MOB4: variants seen among roughly 807,000 people sequenced by gnomAD.
The protein encoded by MOB4 is MOB family member 4, phocein, also known as MOB-like protein phocein.
Under a neutral mutation model 32.2 loss-of-function variants are expected in MOB4, and 4 were observed. The observed-to-expected ratio is 0.12, with a 90% confidence interval of 0.06 to 0.28. The LOEUF (loss-of-function observed/expected upper bound fraction) is 0.28. MOB4 is among the 10% of genes least tolerant of loss of function. MOB4 has a pLI of 1.00. For missense variants in MOB4, 158 were observed against 271.2 expected (o/e 0.58, Z 2.93); for synonymous variants, 88 against 88.1 (o/e 1.00, Z 0.01).
chr2:197,545,313 A>G (rs2086974685), intron 5 of MOB4, among the ~76,000 whole-genome samples: 1 of 152,198 alleles, frequency 6.6e-6, no homozygotes, highest in East Asian at 1.9e-4. Flanking sequence ...ACATCCTCCT[A>G]TATACTTTAA....
intron 1 of MOB4, chr2:197,516,357 T>C (rs2086411159): frequency 7.0e-7 from 1 of 1,421,946 alleles, no homozygotes. Context: ...GACCCAGGGG[T>C]AGGCGTGAGG....
chr2:197,522,036 A>G (rs2086529294), intron 1 of MOB4, among the ~76,000 whole-genome samples: 1 of 152,170 alleles, frequency 6.6e-6, no homozygotes, highest in Non-Finnish European at 1.5e-5. Flanking sequence ...TAGAGACTGC[A>G]GTAAAGACAG....
intron 1 of MOB4, 25 bp from the exon 2 acceptor site, chr2:197,523,598 CT>C: frequency 6.2e-7 from 1 of 1,602,464 alleles, no homozygotes; most frequent in Non-Finnish European, 8.5e-7. Context: ...TTTGTATGTG[CT>C]TTAACCGTGA....
chr2:197,550,416 C>T (rs1328196567), intron 7 of MOB4, 30 bp downstream of exon 7: 2 of 1,607,118 alleles, frequency 1.2e-6, no homozygotes, highest in African/African-American at 2.7e-5. Flanking sequence ...TATCTTGATG[C>T]ATTCTTATCA....
chr2:197,536,145 T>G (rs1274184836), intron 3 of MOB4, among the ~76,000 whole-genome samples: 1 of 152,142 alleles, frequency 6.6e-6, no homozygotes, highest in Non-Finnish European at 1.5e-5. Flanking sequence ...GCAATTTTCC[T>G]ACCTTGTCCT....
intron 2 of MOB4, among the ~76,000 whole-genome samples, chr2:197,535,142 G>A (rs1306092513): frequency 6.6e-6 from 1 of 151,626 alleles, no homozygotes; most frequent in African/African-American, 2.4e-5. Context: ...AGGATTGCTT[G>A]AGCCCAGGAG....
At chr2:197,546,971 C>T (rs776230905) in intron 5 of MOB4, among the ~76,000 whole-genome samples, 3 of 152,000 alleles carry the variant, frequency 2.0e-5, no homozygotes, top group Non-Finnish European at 4.4e-5. Context: ...AGGGGCTGGG[C>T]GTGATGGCTT....
At chr2:197,540,731 G>A (rs1400622817) in intron 5 of MOB4, among the ~76,000 whole-genome samples, 1 of 152,104 alleles carries the variant, frequency 6.6e-6, no homozygotes, top group Non-Finnish European at 1.5e-5. Context: ...ATTGAGATAC[G>A]CCTGTTTAGG....
rs144133908 is a variant in MOB4, at chr2:197,516,504, AC to A, written c.60+363del. ...GAGGGGCGCGACCAGCCTGGTGGAG[AC>A]CCCCGGGGTTTCCTGAAGGTCGGGG... On this transcript the variant is annotated intron_variant, in intron 1 of 7. Coordinates refer to ENST00000323303, the MANE Select transcript of MOB4 (RefSeq NM_015387.5). 7,474 of 790,618 alleles carry A rather than the reference AC, an allele frequency of 9.5e-3. 387 individuals are homozygous for A. In the African/African-American group the frequency reaches 0.11, roughly 12 times the overall value. The allele number at this position is 790,618 out of a possible 1,614,324, so 49.0% of individuals were successfully genotyped here. A position where few individuals can be genotyped will look rare whatever the true frequency, so the allele number is the denominator to read the frequency against.
intron 2 of MOB4, among the ~76,000 whole-genome samples, chr2:197,528,932 T>C (rs575077011): frequency 1.9e-3 from 292 of 151,922 alleles, no homozygotes; most frequent in Middle Eastern, 3.4e-3. Context: ...ATTTTCTTTG[T>C]ATTATTTTCT....
chr2:197,540,095 G>A lies in MOB4; in HGVS notation c.225-16G>A. On this transcript the variant is annotated splice_polypyrimidine_tract_variant and intron_variant, in intron 3 of 7. Coordinates refer to ENST00000323303, the MANE Select transcript of MOB4 (RefSeq NM_015387.5). ...AGAATAGATATGACTTTTTATTTAT[G>A]TATTTGCATTTTCAGGCAGTTCTGC... is the stretch of plus-strand genomic sequence containing the variant. 6.3e-7 allele frequency: 1 copy of A among 1,589,870 alleles called. No individual in the cohort carries two copies. The highest frequency in any genetic ancestry group is 1.2e-5 in the South Asian group (1 of 85,608).
chr2:197,539,404 C>T (rs1448940712), intron 3 of MOB4, among the ~76,000 whole-genome samples: 2 of 150,780 alleles, frequency 1.3e-5, no homozygotes, highest in African/African-American at 2.4e-5. Flanking sequence ...CTGCAACCTC[C>T]GACTCCCAGG....
intron 6 of MOB4, among the ~76,000 whole-genome samples, chr2:197,548,622 AAAT>A (rs776149603): frequency 1.3e-5 from 2 of 152,136 alleles, no homozygotes; most frequent in Non-Finnish European, 2.9e-5. Context: ...CTTAAAGTAT[AAAT>A]AATAATAAAA....
At chr2:197,543,869 G>T (rs2086942453) in intron 5 of MOB4, among the ~76,000 whole-genome samples, 1 of 151,648 alleles carries the variant, frequency 6.6e-6, no homozygotes, top group Non-Finnish European at 1.5e-5. Flanking sequence ...TTCCCAAGTG[G>T]CTGGGATTTA....
intron 6 of MOB4, among the ~76,000 whole-genome samples, chr2:197,549,877 A>G (rs1232009917): frequency 6.6e-6 from 1 of 151,226 alleles, no homozygotes; most frequent in African/African-American, 2.4e-5. Flanking sequence ...AAAAAAAAAA[A>G]AAGAAAAGAA....
At chr2:197,536,417 C>A (rs2086799367) in intron 3 of MOB4, among the ~76,000 whole-genome samples, 1 of 151,914 alleles carries the variant, frequency 6.6e-6, no homozygotes, top group African/African-American at 2.4e-5. Flanking sequence ...GTTGCCTAGG[C>A]TGGTCTCAAA....
chr2:197,531,054 T>A (rs899980230), intron 2 of MOB4, among the ~76,000 whole-genome samples: 1 of 140,074 alleles, frequency 7.1e-6, no homozygotes, highest in East Asian at 2.0e-4. Flanking sequence ...TTTATTTTTA[T>A]TTTTTTTTTT....
At chr2:197,534,541 TTTG>T (rs1053809447) in intron 2 of MOB4, among the ~76,000 whole-genome samples, 2 of 152,068 alleles carry the variant, frequency 1.3e-5, no homozygotes, top group African/African-American at 2.4e-5. Context: ...TTAAAGCTTT[TTTG>T]TTGTTGTTTT....
intron 2 of MOB4, among the ~76,000 whole-genome samples, chr2:197,532,819 A>T (rs948360568): frequency 6.6e-6 from 1 of 151,960 alleles, no homozygotes; most frequent in African/African-American, 2.4e-5. Flanking sequence ...GCCATAGAAG[A>T]CTGGGTGCGG....
Sources: allele counts gnomAD v4.1 joint callset (sites outside exome capture counted in the v4.1 genomes callset), GRCh38; gene constraint gnomAD v4.1.1; transcripts MANE v1.5; gene names NCBI Gene and HGNC (gene_info 2026-07-23, HGNC 2026-07-21).